LAG3: variants seen among roughly 807,000 people sequenced by gnomAD.
LAG3 encodes lymphocyte activating 3, also known as lymphocyte activation gene 3 protein.
LAG3 carries 29 observed loss-of-function variants against 49.0 expected under a neutral mutation model. The ratio of observed to expected loss-of-function variants is 0.59; its 90% CI spans 0.44 to 0.81. The LOEUF is 0.81. LAG3 is among the 30% of genes least tolerant of loss of function. LAG3 has a pLI of 0.00. For synonymous variants in LAG3, 320 were observed against 297.3 expected (o/e 1.08, Z -0.79); for missense variants, 693 against 695.2 (o/e 1.00, Z 0.04).
intron 4 of LAG3, 48 bp from the exon 5 acceptor site, chr12:6,775,225 C>T (rs1344338815): frequency 1.3e-6 from 2 of 1,579,730 alleles, no homozygotes; most frequent in Non-Finnish European, 1.7e-6. Context: ...AGCACTCCCT[C>T]CCCACTGCAG....
intron 7 of LAG3, 143 bp from the exon 8 acceptor site, chr12:6,778,101 G>A (rs891738572): frequency 3.8e-6 from 5 of 1,304,346 alleles, no homozygotes; most frequent in African/African-American, 3.0e-5. Flanking sequence ...AGGCTGGAAG[G>A]GGGGTTGGGA....
At chr12:6,772,958 G>A (rs1389242264) in intron 1 of LAG3, 48 bp downstream of exon 1, 135 of 1,555,850 alleles carry the variant, frequency 8.7e-5, no homozygotes, top group Non-Finnish European at 1.2e-4. Flanking sequence ...CACAGGAGGG[G>A]ACCAGCAGGG....
In LAG3 at chr12:6,774,452, G is replaced by A. The variant is rs150844659; in HGVS notation, c.512-143G>A. ...TATGCACCTCCAGGTGCTGGAAGCT[G>A]AGATGGGGAGAGGGTGATGTGGGAG... On this transcript the variant is annotated intron_variant, in intron 3 of 7. Transcript: ENST00000203629. The A allele has an allele frequency of 5.2e-3, 4,792 of 922,232 alleles. 18 individuals are homozygous for A. Among genetic ancestry groups the A allele is most frequent in the Admixed American group, 6.8e-3 (249 of 36,698 alleles). 57.1% of individuals were successfully genotyped at this position (922,232 alleles called of 1,614,324 possible).
intron 7 of LAG3, 27 bp from the exon 8 acceptor site, chr12:6,778,217 C>T: frequency 1.9e-6 from 3 of 1,554,474 alleles, no homozygotes; most frequent in Admixed American, 2.0e-5. Context: ...TTCCGCCCTC[C>T]GTCTCTCTCT....
chr12:6,772,858 G>C lies in LAG3; in HGVS notation c.6G>C (p.Trp2Cys). The C allele has an allele frequency of 1.2e-6, 2 of 1,613,390 alleles. No homozygotes were observed. Among genetic ancestry groups the C allele is most frequent in the East Asian group, 2.2e-5 (1 of 44,832 alleles). Residue 2 changes from tryptophan to cysteine, a missense_variant, in exon 1 of 8, where the codon TGG becomes TGC. By Grantham distance (215) the Trp-to-Cys change is radical. Coordinates refer to ENST00000203629, the MANE Select transcript of LAG3 (RefSeq NM_002286.6). ...CTGCCCAGACCATAGGAGAGATGTG[G>C]GAGGCTCAGTTCCTGGGCTTGCTGT... M[W>C]EAQFLGLLFL...
In LAG3 at chr12:6,778,099, A is replaced by AG. The variant is rs376437378; in HGVS notation, c.1432-139dup. 9 of 1,309,854 alleles carry AG rather than the reference A, an allele frequency of 6.9e-6. No individual in the cohort carries two copies. In the East Asian group the frequency reaches 2.2e-4, roughly 33 times the overall value. 81.1% of individuals were successfully genotyped at this position (1,309,854 alleles called of 1,614,324 possible). A position where few individuals can be genotyped will look rare whatever the true frequency, so the allele number is the denominator to read the frequency against. On this transcript the variant is annotated intron_variant, in intron 7 of 7. Coordinates refer to ENST00000203629, the MANE Select transcript of LAG3 (RefSeq NM_002286.6). The stretch of plus-strand genomic sequence containing the variant: ...ATGGCTTGTGCCTGGGTAGGCTGGA[A>AG]GGGGGGTTGGGAGAAAGCCAGGACC...
At chr12:6,776,249 A>G (rs756728077) in intron 5 of LAG3, among the ~76,000 whole-genome samples, 2 of 152,108 alleles carry the variant, frequency 1.3e-5, no homozygotes, top group African/African-American at 4.8e-5. Context: ...TAGATGTTAT[A>G]CCACCTCTCA....
chr12:6,778,149 G>GA, intron 7 of LAG3, 95 bp from the exon 8 acceptor site: 2 of 1,378,464 alleles, frequency 1.5e-6, no homozygotes, highest in Non-Finnish European at 1.0e-6. Flanking sequence ...GGGGCGCTGA[G>GA]AAAAAATAGA....
Position 6,773,661 on chromosome 12 carries a change from C to T in LAG3, c.207-36C>T, listed in dbSNP as rs773093789. Reference sequence around the variant, plus strand: ...CTGCATCCTCCCGGGCTTCCTACCCCTGGAGCTTCTCAACTCCATTCTCTT... The same window carrying T: ...CTGCATCCTCCCGGGCTTCCTACCCTTGGAGCTTCTCAACTCCATTCTCTT... On this transcript the variant is annotated intron_variant, in intron 2 of 7. Transcript: ENST00000203629. This position sits in a 1 kb window ranked among gnomAD's most constrained non-coding sequence, Gnocchi z 5.5. 40 of 1,367,218 alleles carry T rather than the reference C, an allele frequency of 2.9e-5. No individual in the cohort carries two copies. The highest frequency in any genetic ancestry group is 3.6e-5 in the Non-Finnish European group (38 of 1,067,972). 84.7% of individuals were successfully genotyped at this position (1,367,218 alleles called of 1,614,324 possible). A position where few individuals can be genotyped will look rare whatever the true frequency, so the allele number is the denominator to read the frequency against.
Position 6,773,336 on chromosome 12 carries a change from A to G in LAG3, c.203A>G (p.Asp68Gly). The change falls in exon 2 of 8, where the codon GAC becomes GGC. Residue 68 changes from aspartate to glycine, a missense_variant. Transcript: ENST00000203629. This position sits in a 1 kb window ranked among gnomAD's most constrained non-coding sequence, Gnocchi z 5.5. ...GGGGTCACTTGGCAGCATCAGCCAGACAGGTATGCACCCCAAACTTGGGCA... is the reference window on the plus strand; with the variant it reads ...GGGGTCACTTGGCAGCATCAGCCAGGCAGGTATGCACCCCAAACTTGGGCA... ...RAGVTWQHQP[D>G]SGPPAAAPGH... 6.2e-7 allele frequency: 1 copy of G among 1,613,516 alleles called. No individual in the cohort carries two copies. Among genetic ancestry groups the G allele is most frequent in the Non-Finnish European group, 8.5e-7 (1 of 1,179,858 alleles).
chr12:6,777,764 A>G (rs1941924355), intron 6 of LAG3, 27 bp from the exon 7 acceptor site: 1 of 1,613,008 alleles, frequency 6.2e-7, no homozygotes, highest in Non-Finnish European at 8.5e-7. Context: ...TCCTGACCCT[A>G]TGCCTCATCC....
At chr12:6,775,014 C>A in intron 4 of LAG3, 150 bp downstream of exon 4, 2 of 886,008 alleles carry the variant, frequency 2.3e-6, no homozygotes, top group Non-Finnish European at 1.7e-6. Flanking sequence ...CTTTATATTG[C>A]TGGCAGCCTC....
rs774354142 is a variant in LAG3 at position 6,774,731 on chromosome 12, C to A, written c.648C>A (p.Ser216=). The change falls in exon 4 of 8, where the codon TCC becomes TCA. Residue 216 remains serine, a synonymous_variant. Transcript: ENST00000203629. ...AGGGCCGAGTCCCTGTCCGGGAGTC[C>A]CCCCATCACCACTTAGCGGAAAGCT... ...RGQGRVPVRE[S]PHHHLAESFL... 1.2e-6 allele frequency: 2 copies of A among 1,614,034 alleles called. No individual in the cohort carries two copies. The highest frequency in any genetic ancestry group is 1.7e-5 in the Admixed American group (1 of 60,002).
chr12:6,773,157 GC>G lies in LAG3; in HGVS notation c.59-30del. Reference sequence around the variant, plus strand: ...TCTCTACCCCTGCCTCTCGGCTCACGCCCCCTCCCCTTGGCCTCTCTTTTGC... The same window carrying G: ...TCTCTACCCCTGCCTCTCGGCTCACGCCCCTCCCCTTGGCCTCTCTTTTGC... On this transcript the variant is annotated intron_variant, in intron 1 of 7. Transcript: ENST00000203629. The surrounding 1 kb of genome is among the most constrained non-coding windows in gnomAD (Gnocchi z 5.5). 1.3e-6 allele frequency: 2 copies of G among 1,583,960 alleles called. No individual in the cohort carries two copies. The highest frequency in any genetic ancestry group is 1.7e-6 in the Non-Finnish European group (2 of 1,167,262).
In LAG3 at chr12:6,773,369, C is replaced by T. The variant is rs372688746; in HGVS notation, c.206+30C>T. On this transcript the variant is annotated intron_variant, in intron 2 of 7. Coordinates refer to ENST00000203629, the MANE Select transcript of LAG3 (RefSeq NM_002286.6). The surrounding 1 kb of genome is among the most constrained non-coding windows in gnomAD (Gnocchi z 5.5). ...GCACCCCAAACTTGGGCAACAGGAC[C>T]TCCGAATCCAGCACTCAACCCCACA... is the stretch of plus-strand genomic sequence containing the variant. 14 of 1,611,628 alleles carry T rather than the reference C, an allele frequency of 8.7e-6. No homozygotes were observed. Among genetic ancestry groups the T allele is most frequent in the Middle Eastern group, 1.6e-4 (1 of 6,070 alleles).
In LAG3 at chr12:6,773,478, G is replaced by A; in HGVS notation, c.206+139G>A. ...CAGTCTCCCTGCCCTCGCTTGCACC[G>A]TTCCTGCCCTTGCTCTGCAATCAGC... On this transcript the variant is annotated intron_variant, in intron 2 of 7. Transcript: ENST00000203629. This position sits in a 1 kb window ranked among gnomAD's most constrained non-coding sequence, Gnocchi z 5.5. 1 of 1,181,558 alleles carries A rather than the reference G, an allele frequency of 8.5e-7. No homozygotes were observed. The highest frequency in any genetic ancestry group is 1.4e-5 in the South Asian group (1 of 69,276). The allele number at this position is 1,181,558 out of a possible 1,614,324, so 73.2% of individuals were successfully genotyped here. A position where few individuals can be genotyped will look rare whatever the true frequency, so the allele number is the denominator to read the frequency against.
intron 5 of LAG3, 111 bp downstream of exon 5, chr12:6,775,659 G>A: frequency 9.4e-7 from 1 of 1,064,472 alleles, no homozygotes; most frequent in Non-Finnish European, 1.4e-6. Context: ...CCAGGCCACT[G>A]GGCACAAGTT....
In LAG3 at chr12:6,775,331, G is replaced by A. The variant is rs977527154; in HGVS notation, c.840G>A (p.Leu280=). Residue 280 remains leucine, a synonymous_variant, in exon 5 of 8, where the codon CTG becomes CTA. Coordinates refer to ENST00000203629, the MANE Select transcript of LAG3 (RefSeq NM_002286.6). ...CTGGAGCAGGTTCCAGGGTGGGGCT[G>A]CCCTGCCGCCTGCCTGCTGGTGTGG... ...VYAGAGSRVG[L]PCRLPAGVGT... is the part of the protein sequence containing the mutation. 3.1e-6 allele frequency: 5 copies of A among 1,614,202 alleles called. No individual in the cohort carries two copies. The highest frequency in any genetic ancestry group is 3.4e-6 in the Non-Finnish European group (4 of 1,180,028).
In LAG3 at chr12:6,777,501, G is replaced by T; in HGVS notation, c.1295G>T (p.Ser432Ile). ...GCAGTGTACTTCACAGAGCTGTCTA[G>T]CCCAGGTCCGAGGCCCCAGAATGCC... ...GAAVYFTELS[S>I]PGAQRSGRAP... Residue 432 changes from serine to isoleucine, a missense_variant, in exon 6 of 8, where the codon AGC becomes ATC. Physicochemically the swap from Ser to Ile is moderately radical, Grantham distance 142. Transcript: ENST00000203629. The T allele has an allele frequency of 6.2e-7, 1 of 1,613,062 alleles. No individual in the cohort carries two copies. The highest frequency in any genetic ancestry group is 1.1e-5 in the South Asian group (1 of 91,038).
Sources: allele counts gnomAD v4.1 joint callset (sites outside exome capture counted in the v4.1 genomes callset), GRCh38; gene constraint gnomAD v4.1.1; non-coding constraint Gnocchi (gnomAD v3.1); transcripts MANE v1.5; gene names NCBI Gene and HGNC (gene_info 2026-07-23, HGNC 2026-07-21).